The following CENPP variants were observed in gnomAD, a reference collection of about 807,000 sequenced individuals.
The protein encoded by CENPP is centromere protein P.
Under a neutral mutation model 35.6 loss-of-function variants are expected in CENPP, and 24 were observed. The ratio of observed to expected loss-of-function variants is 0.67; its 90% CI spans 0.49 to 0.95. CENPP has a LOEUF of 0.95. CENPP is among the 40% of genes least tolerant of loss of function. The pLI, the probability that CENPP is intolerant of heterozygous loss-of-function variation, is 0.00. For missense variants in CENPP, 332 were observed against 345.3 expected (o/e 0.96, Z 0.31); for synonymous variants, 120 against 125.5 (o/e 0.96, Z 0.29).
intron 5 of CENPP, chr9:92,460,430 C>A: frequency 1.6e-6 from 2 of 1,213,650 alleles, no homozygotes; most frequent in South Asian, 1.2e-5. Flanking sequence ...TGTGCACATT[C>A]TCCAGGAGGT....
intron 4 of CENPP, among the ~76,000 whole-genome samples, chr9:92,377,931 T>G (rs879795299): frequency 6.6e-6 from 1 of 152,180 alleles, no homozygotes; most frequent in African/African-American, 2.4e-5. Context: ...ATGTAAAAGA[T>G]TCTTGTCTGA....
At chr9:92,531,914 C>T (rs192504308) in intron 5 of CENPP, among the ~76,000 whole-genome samples, 2 of 151,450 alleles carry the variant, frequency 1.3e-5, no homozygotes, top group Admixed American at 6.6e-5. Context: ...TGTGAAGATA[C>T]GGTTGATTTT....
At chr9:92,415,253 C>G in intron 5 of CENPP, 1 of 1,612,018 alleles carries the variant, frequency 6.2e-7, no homozygotes. Flanking sequence ...TCTTCACTTT[C>G]ATCATCATCA....
chr9:92,511,081 A>C (rs889490231), intron 5 of CENPP, among the ~76,000 whole-genome samples: 1 of 151,490 alleles, frequency 6.6e-6, no homozygotes, highest in South Asian at 2.1e-4. Flanking sequence ...ACAAACATAA[A>C]CCCCTTTTCT....
intron 5 of CENPP, among the ~76,000 whole-genome samples, chr9:92,469,776 G>A (rs1010412056): frequency 6.6e-6 from 1 of 152,012 alleles, no homozygotes; most frequent in African/African-American, 2.4e-5. Context: ...GGGAGGCGGT[G>A]GCGGGGGAAA....
At chr9:92,325,586 C>T (rs1244166579), upstream of CENPP, 2 of 177,404 alleles carry the variant, frequency 1.1e-5, no homozygotes, top group Non-Finnish European at 2.4e-5. Flanking sequence ...TGGACTAGGT[C>T]GGCGTAAGAG....
At chr9:92,555,757 G>A (rs186013323) in intron 5 of CENPP, among the ~76,000 whole-genome samples, 2 of 152,234 alleles carry the variant, frequency 1.3e-5, no homozygotes, top group African/African-American at 4.8e-5. Context: ...GTTTCTTAGT[G>A]AAGTTATTTG....
chr9:92,607,491 G>A, intron 5 of CENPP, among the ~76,000 whole-genome samples: 1 of 152,146 alleles, frequency 6.6e-6, no homozygotes, highest in Admixed American at 6.5e-5. Flanking sequence ...TTAGAAAGTG[G>A]TGATGGTTGC....
intron 2 of CENPP, among the ~76,000 whole-genome samples, chr9:92,333,438 G>T (rs936183189): frequency 1.3e-5 from 2 of 152,234 alleles, no homozygotes; most frequent in Non-Finnish European, 2.9e-5. Context: ...AAAAGCCGCA[G>T]CATGAAGATT....
chr9:92,420,356 A>G (rs1564311836), intron 5 of CENPP, among the ~76,000 whole-genome samples: 1 of 152,158 alleles, frequency 6.6e-6, no homozygotes, highest in Admixed American at 6.6e-5. Flanking sequence ...TCTTTTGCAC[A>G]TGCCCTAAAC....
In CENPP at chr9:92,612,619, G is replaced by C; in HGVS notation, c.736+5G>C. On this transcript the variant is annotated splice_donor_5th_base_variant and intron_variant, in intron 7 of 7. Transcript: ENST00000375587. ...TCACCAAAGTCCCACAGCGAGGTAGGGCCCTGGGTGTGGCTGCTCTAGGTG... is the reference window on the plus strand; with the variant it reads ...TCACCAAAGTCCCACAGCGAGGTAGCGCCCTGGGTGTGGCTGCTCTAGGTG... 1 of 1,610,550 alleles carries C rather than the reference G, an allele frequency of 6.2e-7. No homozygotes were observed. The highest frequency in any genetic ancestry group is 8.5e-7 in the Non-Finnish European group (1 of 1,176,764).
chr9:92,366,487 A>G (rs1841892004), intron 4 of CENPP, among the ~76,000 whole-genome samples: 1 of 152,180 alleles, frequency 6.6e-6, no homozygotes, highest in Non-Finnish European at 1.5e-5. Flanking sequence ...TGTGGCACAG[A>G]TTCCTAAACT....
At chr9:92,365,389 C>T (rs1841861217) in intron 4 of CENPP, among the ~76,000 whole-genome samples, 2 of 148,376 alleles carry the variant, frequency 1.3e-5, no homozygotes, top group African/African-American at 5.0e-5. Flanking sequence ...CAAATTATGC[C>T]TTGTATTATA....
At chr9:92,561,689 A>G (rs1233804126) in intron 5 of CENPP, among the ~76,000 whole-genome samples, 5 of 152,238 alleles carry the variant, frequency 3.3e-5, no homozygotes, top group African/African-American at 9.6e-5. Context: ...TAGAGTTTCA[A>G]AGTAACCTAA....
intron 5 of CENPP, among the ~76,000 whole-genome samples, chr9:92,606,244 A>G (rs945242053): frequency 1.3e-5 from 2 of 152,308 alleles, no homozygotes; most frequent in East Asian, 1.9e-4. Context: ...CCTGTGAGAG[A>G]GAGTAAGATT....
At chr9:92,569,988 G>A (rs1360420018) in intron 5 of CENPP, among the ~76,000 whole-genome samples, 2 of 152,182 alleles carry the variant, frequency 1.3e-5, no homozygotes, top group Non-Finnish European at 1.5e-5. Flanking sequence ...GGGCTGAGAT[G>A]ATGGGGTTTT....
intron 5 of CENPP, among the ~76,000 whole-genome samples, chr9:92,536,938 C>G (rs1454566084): frequency 6.7e-6 from 1 of 148,738 alleles, no homozygotes; most frequent in Non-Finnish European, 1.5e-5. Flanking sequence ...GTCGTGATCT[C>G]AGCACACTGA....
At chr9:92,370,012 T>C (rs1245758033) in intron 4 of CENPP, among the ~76,000 whole-genome samples, 2 of 152,176 alleles carry the variant, frequency 1.3e-5, no homozygotes, top group African/African-American at 4.8e-5. Context: ...GTTTGTTGAG[T>C]GTTTGAATCC....
At chr9:92,403,614 T>C (rs1843208571) in intron 5 of CENPP, 1 of 1,212,198 alleles carries the variant, frequency 8.2e-7, no homozygotes, top group South Asian at 4.2e-5. Context: ...TAGCAGTTTT[T>C]ATGTATCAGT....
Sources: gnomAD v4.1 joint callset for allele counts (sites outside exome capture counted in the v4.1 genomes callset) on GRCh38, gnomAD v4.1.1 for gene constraint, MANE v1.5 for transcripts, NCBI Gene and HGNC (gene_info 2026-07-23, HGNC 2026-07-21) for gene names.